The following CCDC178 variants were observed in gnomAD, a reference collection of about 807,000 sequenced individuals.
CCDC178 encodes coiled-coil domain-containing protein 178.
A neutral mutation model predicts 117.4 loss-of-function variants in CCDC178; 126 were observed. That is an observed-to-expected ratio of 1.07 (90% CI 0.93 to 1.24). The LOEUF is 1.24. Among genes scored for constraint, CCDC178 ranks in the 50% most tolerant of loss-of-function variants. The probability of loss-of-function intolerance (pLI) is 0.00; values close to 1 mark genes in which losing one functional copy is unlikely to be tolerated. For missense variants in CCDC178, 1,030 were observed against 986.9 expected (o/e 1.04, Z -0.59); for synonymous variants, 283 against 313.4 (o/e 0.90, Z 1.02).
chr18:33,202,488 T>C (rs1356313654), intron 20 of CCDC178, among the ~76,000 whole-genome samples: 1 of 147,520 alleles, frequency 6.8e-6, no homozygotes, highest in Non-Finnish European at 1.5e-5. Context: ...TTCTTTGTAC[T>C]GAAAATGCCA....
chr18:33,237,664 G>C (rs534013219), intron 15 of CCDC178, among the ~76,000 whole-genome samples: 1 of 151,628 alleles, frequency 6.6e-6, no homozygotes, highest in South Asian at 2.1e-4. Flanking sequence ...CCAGGCCAGC[G>C]AGGAAACCAT....
intron 21 of CCDC178, among the ~76,000 whole-genome samples, chr18:33,081,713 A>T (rs1429598500): frequency 6.6e-6 from 1 of 152,158 alleles, no homozygotes; most frequent in African/African-American, 2.4e-5. Flanking sequence ...CCCTGTACCA[A>T]GGGAAATAAC....
intron 16 of CCDC178, among the ~76,000 whole-genome samples, chr18:33,226,022 A>T (rs2059299385): frequency 3.3e-5 from 5 of 152,128 alleles, no homozygotes; most frequent in South Asian, 2.1e-4. Context: ...TTAGCTGGGC[A>T]TGGTGGTGCA....
At chr18:33,010,868 C>T (rs188916606) in intron 21 of CCDC178, among the ~76,000 whole-genome samples, 14 of 152,186 alleles carry the variant, frequency 9.2e-5, no homozygotes, top group Admixed American at 7.2e-4. Context: ...GTTAAAATTC[C>T]TTTCTTGCTC....
intron 20 of CCDC178, among the ~76,000 whole-genome samples, chr18:33,115,197 C>A (rs1026353599): frequency 2.6e-5 from 4 of 151,966 alleles, no homozygotes; most frequent in African/African-American, 9.7e-5. Flanking sequence ...TTATCTTCGC[C>A]ATTTACTCAT....
At chr18:33,062,103 A>G (rs1933836633) in intron 21 of CCDC178, among the ~76,000 whole-genome samples, 1 of 152,194 alleles carries the variant, frequency 6.6e-6, no homozygotes, top group Non-Finnish European at 1.5e-5. Context: ...AGGTAAAGAA[A>G]TATTTTTTTT....
intron 2 of CCDC178, among the ~76,000 whole-genome samples, chr18:33,414,858 AAAAC>A (rs1397903368): frequency 2.6e-5 from 4 of 152,354 alleles, no homozygotes; most frequent in African/African-American, 9.6e-5. Context: ...TTACAAGGCA[AAAAC>A]AAACAACCCC....
chr18:33,166,544 A>G (rs959544914), intron 20 of CCDC178, among the ~76,000 whole-genome samples: 1 of 152,144 alleles, frequency 6.6e-6, no homozygotes, highest in African/African-American at 2.4e-5. Context: ...GTCTATAAGG[A>G]AAGAGTTGTG....
intron 7 of CCDC178, among the ~76,000 whole-genome samples, chr18:33,352,858 A>T (rs1014001137): frequency 6.6e-6 from 1 of 152,128 alleles, no homozygotes; most frequent in African/African-American, 2.4e-5. Flanking sequence ...AGAATGGTCC[A>T]TGTGCACATG....
chr18:33,363,578 G>A (rs1042097474), intron 6 of CCDC178, among the ~76,000 whole-genome samples: 1 of 151,986 alleles, frequency 6.6e-6, no homozygotes, highest in Non-Finnish European at 1.5e-5. Flanking sequence ...TTATGGATCA[G>A]TGAAAGCCCT....
intron 21 of CCDC178, among the ~76,000 whole-genome samples, chr18:33,054,216 G>C (rs1249521894): frequency 6.6e-6 from 1 of 152,010 alleles, no homozygotes; most frequent in African/African-American, 2.4e-5. Context: ...TCCATGAGCT[G>C]TGTCATCAAA....
chr18:32,952,543 G>T (rs1270877111), intron 22 of CCDC178, among the ~76,000 whole-genome samples: 2 of 152,148 alleles, frequency 1.3e-5, no homozygotes, highest in East Asian at 1.9e-4. Flanking sequence ...GAACAGGGGG[G>T]CCCTGGGCCA....
chr18:33,028,567 G>T (rs538076682), intron 21 of CCDC178, among the ~76,000 whole-genome samples: 1 of 151,316 alleles, frequency 6.6e-6, no homozygotes, highest in East Asian at 1.9e-4. Context: ...ATGATGTTGT[G>T]GTTTGGTTTT....
intron 21 of CCDC178, among the ~76,000 whole-genome samples, chr18:33,064,042 A>T (rs1363915136): frequency 6.6e-6 from 1 of 152,236 alleles, no homozygotes; most frequent in East Asian, 1.9e-4. Flanking sequence ...GTCTTTCCCT[A>T]TGAATACCAA....
At chr18:33,055,549 G>A (rs147367131) in intron 21 of CCDC178, among the ~76,000 whole-genome samples, 2 of 151,974 alleles carry the variant, frequency 1.3e-5, no homozygotes, top group African/African-American at 2.4e-5. Flanking sequence ...GGCTGGTTTC[G>A]AACTTCTGGG....
At position 32,977,327 on chromosome 18, in the gene CCDC178, T is replaced by A. The variant is rs1022306953; in HGVS notation, c.2389-2646A>T. 3.9e-5 allele frequency among the ~76,000 whole-genome samples: 6 copies of A among 152,282 alleles called. 1 individual carries two copies. The South Asian group carries it at 1.0e-3, about 26-fold the overall frequency. On this transcript the variant is annotated intron_variant, in intron 21 of 22. Coordinates refer to ENST00000383096, the MANE Select transcript of CCDC178 (RefSeq NM_001105528.4). ...GTCACTTCTAGATTAAGGATAGTCA[T>A]AAAGACTGCTAGAAACACCCAAGGG...
intron 12 of CCDC178, among the ~76,000 whole-genome samples, chr18:33,292,017 T>G (rs1324309517): frequency 1.1e-5 from 1 of 87,048 alleles, no homozygotes; most frequent in Non-Finnish European, 2.9e-5. Context: ...GTATGGAGAT[T>G]CCTCAAAAAA....
At chr18:33,400,847 C>T (rs1408749083) in intron 3 of CCDC178, among the ~76,000 whole-genome samples, 1 of 152,200 alleles carries the variant, frequency 6.6e-6, no homozygotes, top group Non-Finnish European at 1.5e-5. Flanking sequence ...ACTATGTTTT[C>T]AGTCTATCTC....
intron 5 of CCDC178, among the ~76,000 whole-genome samples, chr18:33,378,784 C>G (rs1172544191): frequency 6.6e-6 from 1 of 152,000 alleles, no homozygotes; most frequent in Non-Finnish European, 1.5e-5. Flanking sequence ...AGGAATAAAG[C>G]CTTACTTGAT....
Sources: allele counts gnomAD v4.1 joint callset (sites outside exome capture counted in the v4.1 genomes callset), GRCh38; gene constraint gnomAD v4.1.1; transcripts MANE v1.5; gene names NCBI Gene and HGNC (gene_info 2026-07-23, HGNC 2026-07-21).